SGCZ: variants seen among roughly 807,000 people sequenced by gnomAD.
SGCZ encodes sarcoglycan zeta.
A neutral mutation model predicts 41.3 loss-of-function variants in SGCZ; 40 were observed. The observed-to-expected ratio is 0.97, with a 90% CI of 0.75 to 1.26. SGCZ has a LOEUF of 1.26. SGCZ is among the 50% of genes most tolerant of loss of function. The pLI, the probability that SGCZ is intolerant of heterozygous loss-of-function variation, is 0.00. For synonymous variants in SGCZ, 206 were observed against 137.5 expected, an observed-to-expected ratio of 1.50 and a Z score of -3.49; for missense variants, 552 against 369.8, an observed-to-expected ratio of 1.49 and a Z score of -4.04.
intron 1 of SGCZ, among the ~76,000 whole-genome samples, chr8:14,978,825 G>T (rs1025334538): frequency 6.6e-6 from 1 of 152,098 alleles, no homozygotes; most frequent in Non-Finnish European, 1.5e-5. Context: ...TTGAGATGGG[G>T]TCTCAGTCTG....
At chr8:14,639,327 T>C (rs1806942366) in intron 1 of SGCZ, among the ~76,000 whole-genome samples, 2 of 151,698 alleles carry the variant, frequency 1.3e-5, no homozygotes, top group South Asian at 2.1e-4. Context: ...TTGAGTGCTG[T>C]CATTAAAAAT....
At chr8:15,116,652 C>T (rs550748073) in intron 1 of SGCZ, among the ~76,000 whole-genome samples, 11 of 152,112 alleles carry the variant, frequency 7.2e-5, no homozygotes, top group Non-Finnish European at 1.3e-4. Flanking sequence ...TATAATAAAG[C>T]ACATAGGAAA....
intron 4 of SGCZ, among the ~76,000 whole-genome samples, chr8:14,217,787 G>A (rs1014092489): frequency 5.3e-5 from 8 of 151,552 alleles, no homozygotes; most frequent in South Asian, 2.1e-4. Flanking sequence ...ACACCACCAC[G>A]CCCAGCTAAT....
At chr8:14,974,137 T>C (rs1461326955) in intron 1 of SGCZ, among the ~76,000 whole-genome samples, 1 of 152,176 alleles carries the variant, frequency 6.6e-6, no homozygotes, top group Non-Finnish European at 1.5e-5. Flanking sequence ...CTGCCTATAA[T>C]TGTTGGAGTC....
intron 1 of SGCZ, among the ~76,000 whole-genome samples, chr8:15,187,487 T>C (rs1003640601): frequency 5.9e-5 from 9 of 152,070 alleles, no homozygotes; most frequent in Non-Finnish European, 1.2e-4. Flanking sequence ...TTTGATGTGA[T>C]TTTAGGATAT....
At chr8:15,228,796 T>A (rs1801853699) in intron 1 of SGCZ, among the ~76,000 whole-genome samples, 1 of 152,188 alleles carries the variant, frequency 6.6e-6, no homozygotes. Flanking sequence ...GCACACGAGT[T>A]CACCAATTAC....
In SGCZ at chr8:14,836,073, C is replaced by A. The variant is rs181180733; in HGVS notation, c.40-281147G>T. On this transcript the variant is annotated intron_variant, in intron 1 of 7. Coordinates refer to ENST00000382080, the MANE Select transcript of SGCZ (RefSeq NM_139167.4). ...CCTTTAGGCCCTCTACCTTGATTAA[C>A]GTCATCTAGGGACATTCACACATTG... 1.7e-3 allele frequency among the ~76,000 whole-genome samples: 252 copies of A among 152,182 alleles called. 1 individual carries two copies. The highest frequency in any genetic ancestry group is 6.4e-3 in the South Asian group (31 of 4,816).
intron 1 of SGCZ, among the ~76,000 whole-genome samples, chr8:15,081,072 T>C (rs1805730325): frequency 6.6e-6 from 1 of 152,096 alleles, no homozygotes; most frequent in South Asian, 2.1e-4. Flanking sequence ...CACAAGAACA[T>C]AAACTCTGTT....
chr8:14,197,775 C>T (rs7821005), intron 4 of SGCZ, among the ~76,000 whole-genome samples: 112,731 of 151,900 alleles, frequency 0.74, 42,643 homozygotes, highest in African/African-American at 0.87. Flanking sequence ...TCATTCACCA[C>T]TTTATTTTGC....
chr8:14,306,030 G>A (rs531647885), intron 3 of SGCZ, among the ~76,000 whole-genome samples: 1 of 152,294 alleles, frequency 6.6e-6, no homozygotes, highest in South Asian at 2.1e-4. Context: ...GTCACTTTGT[G>A]TAAACAAGGA....
chr8:14,293,955 T>C (rs60814120), intron 3 of SGCZ, among the ~76,000 whole-genome samples: 34,374 of 151,632 alleles, frequency 0.23, 4,127 homozygotes, highest in South Asian at 0.3. Context: ...GACATACATA[T>C]CTCTAAAAAC....
intron 1 of SGCZ, among the ~76,000 whole-genome samples, chr8:14,671,531 G>A (rs995970772): frequency 3.3e-5 from 5 of 152,154 alleles, no homozygotes; most frequent in African/African-American, 1.2e-4. Context: ...TAAATTTCAA[G>A]AAGGACTTAT....
chr8:14,626,458 T>G (rs1275200115), intron 1 of SGCZ, among the ~76,000 whole-genome samples: 2 of 152,170 alleles, frequency 1.3e-5, no homozygotes, highest in African/African-American at 4.8e-5. Flanking sequence ...TATTTGAACT[T>G]TGTCTCTTCT....
chr8:14,102,601 A>T, intron 6 of SGCZ, 102 bp from the exon 7 acceptor site: 1 of 1,080,010 alleles, frequency 9.3e-7, no homozygotes, highest in Non-Finnish European at 1.2e-6. Context: ...ACATTGGTCA[A>T]AACAACAACC....
Position 14,617,588 on chromosome 8 carries a change from A to T in SGCZ, c.40-62662T>A, listed in dbSNP as rs140636493. On this transcript the variant is annotated intron_variant, in intron 1 of 7. Transcript: ENST00000382080. ...TGTTTCTAAGCTTTGCACAGTCCTA[A>T]CCATAAATACACTTGAAATTCAGAG... 9.9e-5 allele frequency among the ~76,000 whole-genome samples: 15 copies of T among 152,282 alleles called. No individual in the cohort carries two copies. The East Asian group carries it at 1.9e-3, about 20-fold the overall frequency.
intron 3 of SGCZ, among the ~76,000 whole-genome samples, chr8:14,240,728 T>C (rs898815276): frequency 1.8e-4 from 28 of 152,182 alleles, no homozygotes; most frequent in Admixed American, 1.7e-3. Context: ...TTGATGCCTG[T>C]AGGATCATCA....
At chr8:14,764,907 T>A (rs1799994698) in intron 1 of SGCZ, among the ~76,000 whole-genome samples, 1 of 152,180 alleles carries the variant, frequency 6.6e-6, no homozygotes, top group Admixed American at 6.5e-5. Context: ...CATCTTACTT[T>A]TAAATGGTTG....
chr8:14,906,239 T>C (rs1468689695), intron 1 of SGCZ, among the ~76,000 whole-genome samples: 1 of 152,184 alleles, frequency 6.6e-6, no homozygotes, highest in Non-Finnish European at 1.5e-5. Flanking sequence ...TATAAGGAAC[T>C]GTTTGTGGAA....
chr8:14,808,808 T>C (rs1405269079), intron 1 of SGCZ, among the ~76,000 whole-genome samples: 1 of 151,766 alleles, frequency 6.6e-6, no homozygotes, highest in Non-Finnish European at 1.5e-5. Context: ...CTATTCACAA[T>C]AGCAAAGACT....
Sources: gnomAD v4.1 joint callset for allele counts (sites outside exome capture counted in the v4.1 genomes callset) on GRCh38, gnomAD v4.1.1 for gene constraint, MANE v1.5 for transcripts, NCBI Gene and HGNC (gene_info 2026-07-23, HGNC 2026-07-21) for gene names.